The following KANSL1 variants were observed in gnomAD, a reference collection of about 807,000 sequenced individuals.
KANSL1 encodes MLL1/MLL complex subunit KANSL1.
Under a neutral mutation model 103.6 loss-of-function variants are expected in KANSL1, and 22 were observed. The observed-to-expected ratio is 0.21, with a 90% confidence interval of 0.15 to 0.30. KANSL1 has a LOEUF of 0.30. Ranked by LOEUF, KANSL1 falls within the 10% of genes least tolerant of loss-of-function variation. The probability of loss-of-function intolerance (pLI) is 1.00; values close to 1 mark genes in which losing one functional copy is unlikely to be tolerated. For synonymous variants in KANSL1, 600 were observed against 527.6 expected, an observed-to-expected ratio of 1.14 and a Z score of -1.88; for missense variants, 1,337 against 1,399.8, an observed-to-expected ratio of 0.96 and a Z score of 0.72.
Position 46,135,315 on chromosome 17 carries a change from A to G in KANSL1, c.1289+35540T>C, listed in dbSNP as rs543191557. 5.1e-4 allele frequency among the ~76,000 whole-genome samples: 77 copies of G among 151,920 alleles called. 1 individual carries two copies. The highest frequency in any genetic ancestry group is 1.8e-3 in the African/African-American group (74 of 41,476). On this transcript the variant is annotated intron_variant, in intron 2 of 14. Transcript: ENST00000432791. ...AGTAGATGCCTGTTACAGTTGGGCA[A>G]TGCACACATGGGAAGGTTCACTGCA...
chr17:46,084,499 C>G (rs566074559), intron 3 of KANSL1, among the ~76,000 whole-genome samples: 2 of 151,736 alleles, frequency 1.3e-5, no homozygotes, highest in Non-Finnish European at 2.9e-5. Context: ...CTGGCCGACA[C>G]AGTGAAACAA....
At chr17:46,185,694 C>T (rs2532245) in intron 1 of KANSL1, among the ~76,000 whole-genome samples, 1,596 of 25,024 alleles carry the variant, frequency 0.064, 26 homozygotes, top group East Asian at 0.4. Context: ...CACATATATA[C>T]ACACACACAC....
intron 1 of KANSL1, among the ~76,000 whole-genome samples, chr17:46,218,261 A>C (rs1311522431): frequency 6.6e-6 from 1 of 152,260 alleles, no homozygotes; most frequent in Non-Finnish European, 1.5e-5. Flanking sequence ...TGTCATAAGA[A>C]AATTCGCAGC....
intron 2 of KANSL1, among the ~76,000 whole-genome samples, chr17:46,103,029 G>C (rs1465817462): frequency 6.6e-6 from 1 of 152,110 alleles, no homozygotes; most frequent in Admixed American, 6.6e-5. Flanking sequence ...GTGGAACTGT[G>C]GTGTGTCACA....
intron 3 of KANSL1, among the ~76,000 whole-genome samples, chr17:46,086,790 C>T (rs1159519688): frequency 6.6e-6 from 1 of 152,002 alleles, no homozygotes; most frequent in African/African-American, 2.4e-5. Context: ...CCTGTCTCCA[C>T]AAAAACAATA....
chr17:46,174,342 G>A (rs1006762217), intron 1 of KANSL1, among the ~76,000 whole-genome samples: 4 of 152,054 alleles, frequency 2.6e-5, no homozygotes, highest in South Asian at 2.1e-4. Context: ...GTGCCACCAC[G>A]CCTGGCTAAT....
chr17:46,143,952 A>G (rs1366960363), intron 2 of KANSL1, among the ~76,000 whole-genome samples: 2 of 152,234 alleles, frequency 1.3e-5, no homozygotes, highest in African/African-American at 2.4e-5. Flanking sequence ...ATTCCAAATC[A>G]CATGTTTCCT....
intron 4 of KANSL1, among the ~76,000 whole-genome samples, chr17:46,075,670 A>G (rs998368796): frequency 6.6e-6 from 1 of 152,232 alleles, no homozygotes; most frequent in African/African-American, 2.4e-5. Flanking sequence ...AAATGTATCT[A>G]GCATTAATAA....
At chr17:46,194,730 G>A (rs1247276321), upstream of KANSL1, among the ~76,000 whole-genome samples, 2 of 152,180 alleles carry the variant, frequency 1.3e-5, no homozygotes, top group Non-Finnish European at 2.9e-5. Flanking sequence ...AAAGGAAGAC[G>A]CAAAATGCTT....
chr17:46,202,998 G>A (rs920189149), intron 1 of KANSL1, among the ~76,000 whole-genome samples: 2 of 152,220 alleles, frequency 1.3e-5, no homozygotes, highest in African/African-American at 2.4e-5. Flanking sequence ...TTGGGAGGCC[G>A]AGGCCAGTGG....
At chr17:46,154,001 C>G (rs2045275527) in intron 2 of KANSL1, among the ~76,000 whole-genome samples, 1 of 152,226 alleles carries the variant, frequency 6.6e-6, no homozygotes, top group African/African-American at 2.4e-5. Context: ...CAACTATACC[C>G]CCCTCTAAAT....
intron 1 of KANSL1, among the ~76,000 whole-genome samples, chr17:46,214,260 G>C (rs1280749516): frequency 1.3e-5 from 2 of 152,242 alleles, no homozygotes; most frequent in African/African-American, 4.8e-5. Context: ...ACTGGCAAAT[G>C]CATGTGACTC....
intron 2 of KANSL1, among the ~76,000 whole-genome samples, chr17:46,100,395 A>G (rs532004194): frequency 1.3e-5 from 2 of 150,300 alleles, no homozygotes; most frequent in Non-Finnish European, 3.0e-5. Flanking sequence ...GGCCCAGACC[A>G]CACGCCACTG....
chr17:46,150,999 T>C (rs1256215966), intron 2 of KANSL1, among the ~76,000 whole-genome samples: 1 of 151,658 alleles, frequency 6.6e-6, no homozygotes, highest in Non-Finnish European at 1.5e-5. Flanking sequence ...ACATGAGCAG[T>C]CTCATAACAT....
chr17:46,163,248 G>A (rs1161835167), intron 2 of KANSL1, among the ~76,000 whole-genome samples: 1 of 152,236 alleles, frequency 6.6e-6, no homozygotes, highest in Non-Finnish European at 1.5e-5. Context: ...GGCATTCAAT[G>A]TAGAGTTAAT....
intron 6 of KANSL1, among the ~76,000 whole-genome samples, chr17:46,052,628 AC>A (rs1170979966): frequency 1.4e-5 from 2 of 145,774 alleles, no homozygotes; most frequent in Non-Finnish European, 3.1e-5. Flanking sequence ...AAACAAAAAA[AC>A]AAAACAACAA....
intron 2 of KANSL1, among the ~76,000 whole-genome samples, chr17:46,156,286 G>A (rs978479278): frequency 1.3e-5 from 2 of 152,234 alleles, no homozygotes; most frequent in African/African-American, 4.8e-5. Context: ...GGCAGAGGTT[G>A]CAGTGAGCCG....
At chr17:46,063,299 T>C (rs1326589300) in intron 6 of KANSL1, among the ~76,000 whole-genome samples, 1 of 152,238 alleles carries the variant, frequency 6.6e-6, no homozygotes, top group African/African-American at 2.4e-5. Context: ...AAGGGCTTTG[T>C]TTTCCTTACC....
intron 2 of KANSL1, among the ~76,000 whole-genome samples, chr17:46,125,660 A>C (rs1018403051): frequency 1.3e-5 from 2 of 152,246 alleles, no homozygotes; most frequent in Non-Finnish European, 2.9e-5. Flanking sequence ...GCTACATTCA[A>C]AGGAAACATA....
Sources: allele counts gnomAD v4.1 joint callset (sites outside exome capture counted in the v4.1 genomes callset), GRCh38; gene constraint gnomAD v4.1.1; transcripts MANE v1.5; gene names NCBI Gene and HGNC (gene_info 2026-07-23, HGNC 2026-07-21).